Variants in CNTN1 observed in about 807,000 individuals in gnomAD.
The protein encoded by CNTN1 is contactin-1.
In CNTN1, 38 loss-of-function variants were observed where a neutral mutation model predicts 126.4. The observed-to-expected ratio is 0.30, with a 90% CI of 0.23 to 0.39. The LOEUF (loss-of-function observed/expected upper bound fraction) is 0.39. Among genes scored for constraint, CNTN1 ranks in the 10% least tolerant of loss-of-function variants. The pLI is 1.00. For synonymous variants in CNTN1, 413 were observed against 422.6 expected (o/e 0.98, Z 0.28); for missense variants, 1,009 against 1,248.4 (o/e 0.81, Z 2.89).
chr12:40,718,890 A>G (rs1942118476), intron 1 of CNTN1, among the ~76,000 whole-genome samples: 2 of 151,954 alleles, frequency 1.3e-5, no homozygotes, highest in South Asian at 4.1e-4. Context: ...TATTCATATG[A>G]TGAATATCTG....
At chr12:41,046,648 C>T (rs1165449128) in intron 23 of CNTN1, among the ~76,000 whole-genome samples, 3 of 151,964 alleles carry the variant, frequency 2.0e-5, no homozygotes, top group Non-Finnish European at 4.4e-5. Flanking sequence ...GGGTCCATGA[C>T]ACCAAAAAGT....
At chr12:40,870,361 T>C (rs1943444131) in intron 1 of CNTN1, among the ~76,000 whole-genome samples, 1 of 152,086 alleles carries the variant, frequency 6.6e-6, no homozygotes, top group African/African-American at 2.4e-5. Context: ...TTTGTCAAAA[T>C]TGTCATTTCA....
chr12:40,692,853 G>T (rs1591977996), intron 1 of CNTN1, among the ~76,000 whole-genome samples: 2 of 152,132 alleles, frequency 1.3e-5, no homozygotes, highest in African/African-American at 4.8e-5. Flanking sequence ...CGAGCTCGGG[G>T]TCTGTGTCTC....
intron 23 of CNTN1, 70 bp downstream of exon 23, chr12:41,029,289 G>A (rs1464882674): frequency 6.4e-7 from 1 of 1,558,710 alleles, no homozygotes. Flanking sequence ...GATTCCCAAG[G>A]GTAGGGATAA....
intron 3 of CNTN1, among the ~76,000 whole-genome samples, chr12:40,911,225 C>T (rs1945018016): frequency 6.6e-6 from 1 of 152,092 alleles, no homozygotes; most frequent in Admixed American, 6.5e-5. Context: ...GGACTACAGG[C>T]ACCCGCAACC....
At chr12:40,750,809 T>C (rs932287305) in intron 1 of CNTN1, among the ~76,000 whole-genome samples, 1 of 152,028 alleles carries the variant, frequency 6.6e-6, no homozygotes, top group Non-Finnish European at 1.5e-5. Flanking sequence ...GATCCTCTGG[T>C]CATTCAAGAA....
intron 1 of CNTN1, among the ~76,000 whole-genome samples, chr12:40,789,966 C>T (rs929670009): frequency 6.6e-6 from 1 of 152,110 alleles, no homozygotes; most frequent in African/African-American, 2.4e-5. Flanking sequence ...GCTAACTTAA[C>T]ATTTCTTCTT....
At chr12:40,971,233 G>T (rs1471879054) in intron 15 of CNTN1, among the ~76,000 whole-genome samples, 1 of 152,138 alleles carries the variant, frequency 6.6e-6, no homozygotes, top group East Asian at 1.9e-4. Context: ...ATGAGGGAAA[G>T]GTTTTAATTG....
chr12:41,064,769 C>CTAGATAGATAGATAGA (rs59729389), intron 23 of CNTN1, among the ~76,000 whole-genome samples: 191 of 150,718 alleles, frequency 1.3e-3, no homozygotes, highest in African/African-American at 2.2e-3. Flanking sequence ...TGCTACCTCT[C>CTAGATAGATAGATAGA]TAGATAGATA....
At chr12:40,972,719 T>G (rs1947557769) in intron 15 of CNTN1, 1 of 912,656 alleles carries the variant, frequency 1.1e-6, no homozygotes, top group Non-Finnish European at 1.3e-6. Context: ...CCAGATTAAT[T>G]GCCATTTTTG....
chr12:40,734,301 A>T (rs1942566313), intron 1 of CNTN1, among the ~76,000 whole-genome samples: 1 of 152,148 alleles, frequency 6.6e-6, no homozygotes. Flanking sequence ...GAAACATTCA[A>T]AATGTTGACT....
chr12:40,864,019 C>CTTTTTT (rs71434336), intron 1 of CNTN1, among the ~76,000 whole-genome samples: 1 of 92,584 alleles, frequency 1.1e-5, no homozygotes, highest in African/African-American at 4.1e-5. Flanking sequence ...CTCTGCTTTC[C>CTTTTTT]TTTTTTTTTT....
chr12:40,803,399 C>G (rs1940726848), intron 1 of CNTN1, among the ~76,000 whole-genome samples: 1 of 151,864 alleles, frequency 6.6e-6, no homozygotes, highest in Non-Finnish European at 1.5e-5. Flanking sequence ...ATTCTTCCAC[C>G]CAAGCTTTAC....
At position 41,069,944 on chromosome 12, in the gene CNTN1, T is replaced by C. The variant is rs1429370885; in HGVS notation, c.2981-15T>C. ...ATCAATGAAATAATATGCACACTTT[T>C]GGTTTACCTTGCAGGTGCACCCACC... is the stretch of plus-strand genomic sequence containing the variant. On this transcript the variant is annotated splice_polypyrimidine_tract_variant and intron_variant, in intron 23 of 23. Coordinates refer to ENST00000551295, the MANE Select transcript of CNTN1 (RefSeq NM_001843.4). The C allele has an allele frequency of 1.9e-6, 3 of 1,608,020 alleles. No individual in the cohort carries two copies. The highest frequency in any genetic ancestry group is 8.5e-7 in the Non-Finnish European group (1 of 1,174,714).
At chr12:40,952,694 C>T (rs1386256437) in intron 14 of CNTN1, among the ~76,000 whole-genome samples, 1 of 152,000 alleles carries the variant, frequency 6.6e-6, no homozygotes, top group East Asian at 1.9e-4. Flanking sequence ...CCTTTGACAC[C>T]TAGTTAACCC....
chr12:41,036,752 C>CT (rs898353757), intron 23 of CNTN1, among the ~76,000 whole-genome samples: 3 of 151,918 alleles, frequency 2.0e-5, no homozygotes, highest in Non-Finnish European at 4.4e-5. Context: ...GTATATAGAC[C>CT]TTTTTTCTGG....
intron 1 of CNTN1, among the ~76,000 whole-genome samples, chr12:40,713,739 A>G (rs1225083922): frequency 2.0e-5 from 3 of 152,234 alleles, no homozygotes; most frequent in Admixed American, 6.5e-5. Flanking sequence ...AAGGAACTCT[A>G]TATGTTCCCA....
chr12:41,049,219 C>T (rs914532404), intron 23 of CNTN1, among the ~76,000 whole-genome samples: 2 of 152,178 alleles, frequency 1.3e-5, no homozygotes, highest in Admixed American at 1.3e-4. Flanking sequence ...TAATTCTTTT[C>T]CTCTTAGCCC....
chr12:41,069,055 G>A (rs1377769862), intron 23 of CNTN1, among the ~76,000 whole-genome samples: 2 of 152,204 alleles, frequency 1.3e-5, no homozygotes, highest in East Asian at 1.9e-4. Context: ...ACATTGGGAA[G>A]AAAGAGTATG....
Sources: allele counts gnomAD v4.1 joint callset (sites outside exome capture counted in the v4.1 genomes callset), GRCh38; gene constraint gnomAD v4.1.1; transcripts MANE v1.5; gene names NCBI Gene and HGNC (gene_info 2026-07-23, HGNC 2026-07-21).